Variants in UVSSA observed in about 807,000 individuals in gnomAD.
The protein encoded by UVSSA is UV-stimulated scaffold protein A.
Under a neutral mutation model 73.9 loss-of-function variants are expected in UVSSA, and 72 were observed. The observed-to-expected ratio is 0.97, with a 90% CI of 0.81 to 1.19. The LOEUF (loss-of-function observed/expected upper bound fraction) is 1.19, where lower values mean the gene tolerates loss of function less well. UVSSA is among the 50% of genes most tolerant of loss of function. The pLI, the probability that UVSSA is intolerant of heterozygous loss-of-function variation, is 0.00. For missense variants in UVSSA, 1,150 were observed against 965.0 expected, an observed-to-expected ratio of 1.19 and a Z score of -2.54; for synonymous variants, 454 against 391.3, an observed-to-expected ratio of 1.16 and a Z score of -1.89.
chr4:1,395,741 C>T, exon 14 of UVSSA: 1 of 1,614,238 alleles, frequency 6.2e-7, no homozygotes, highest in Non-Finnish European at 8.5e-7. Context: ...GGTTTCCTGT[C>T]CTGCCGGCCG....
intron 9 of UVSSA, 108 bp downstream of exon 9, chr4:1,375,616 C>G (rs1718671773): frequency 4.7e-6 from 7 of 1,491,434 alleles, no homozygotes; most frequent in Non-Finnish European, 6.3e-6. Context: ...TTCTGGATAT[C>G]TTGGTGGAAG....
At chr4:1,381,393 G>A (rs956964572) in intron 12 of UVSSA, among the ~76,000 whole-genome samples, 1 of 152,324 alleles carries the variant, frequency 6.6e-6, no homozygotes, top group South Asian at 2.1e-4. Context: ...GCCATACCCC[G>A]CACCTGCCTC....
At chr4:1,366,921 G>C (rs565846661) in intron 8 of UVSSA, among the ~76,000 whole-genome samples, 1 of 152,308 alleles carries the variant, frequency 6.6e-6, no homozygotes, top group East Asian at 1.9e-4. Context: ...GTGGGCTCTC[G>C]TGGGCTCCTT....
At chr4:1,379,309 G>A (rs1040335470) in intron 10 of UVSSA, among the ~76,000 whole-genome samples, 1 of 152,206 alleles carries the variant, frequency 6.6e-6, no homozygotes, top group African/African-American at 2.4e-5. Context: ...TCTGTGTGAG[G>A]GCCCCTCAGA....
At chr4:1,363,439 T>C (rs1365640441) in intron 7 of UVSSA, among the ~76,000 whole-genome samples, 1 of 152,200 alleles carries the variant, frequency 6.6e-6, no homozygotes, top group African/African-American at 2.4e-5. Context: ...CCCGATGAAA[T>C]TCAAGGGTGC....
At chr4:1,356,378 C>G (rs541675550) in intron 7 of UVSSA, among the ~76,000 whole-genome samples, 22 of 152,278 alleles carry the variant, frequency 1.4e-4, no homozygotes, top group East Asian at 3.9e-4. Context: ...TGCAGCCCCC[C>G]CAGGGGCCAG....
intron 11 of UVSSA, chr4:1,380,556 C>A: frequency 8.3e-7 from 1 of 1,210,212 alleles, no homozygotes; most frequent in South Asian, 1.5e-5. Context: ...TGAGGAGAGG[C>A]CAGGGGGCCA....
At chr4:1,379,098 C>T (rs1330304793) in intron 10 of UVSSA, among the ~76,000 whole-genome samples, 2 of 151,716 alleles carry the variant, frequency 1.3e-5, no homozygotes, top group East Asian at 2.0e-4. Flanking sequence ...GGGCTCTGCT[C>T]CTCCAGCATC....
chr4:1,361,085 GTC>G (rs1361394799), intron 7 of UVSSA, among the ~76,000 whole-genome samples: 1 of 152,238 alleles, frequency 6.6e-6, no homozygotes, highest in Admixed American at 6.5e-5. Context: ...ACAGATGTGT[GTC>G]TCTATCTGGC....
rs567390511 is a variant in UVSSA, at chr4:1,347,300, C to G, written c.-463C>G. Reference sequence around the variant, plus strand: ...TCGGTCCCCGGGGCTCTGCGGGCGCCGGGCAGAGACCTGCGGCCAGGGCGT... The same window carrying G: ...TCGGTCCCCGGGGCTCTGCGGGCGCGGGGCAGAGACCTGCGGCCAGGGCGT... On this transcript the variant is annotated 5_prime_UTR_variant, in exon 1 of 14. Coordinates refer to ENST00000389851, the MANE Select transcript of UVSSA (RefSeq NM_020894.4). 3 of 151,948 alleles carry G rather than the reference C, an allele frequency of 2.0e-5. No homozygotes were observed. The highest frequency in any genetic ancestry group is 2.1e-4 in the South Asian group (1 of 4,836). 9.4% of individuals were successfully genotyped at this position (151,948 alleles called of 1,614,324 possible).
chr4:1,381,412 G>GGTGGCCACAGCTCTGTCCAGGAGGCGT (rs1719486527), intron 12 of UVSSA, among the ~76,000 whole-genome samples: 1 of 152,210 alleles, frequency 6.6e-6, no homozygotes, highest in Non-Finnish European at 1.5e-5. Context: ...TCAGTGTGCA[G>GGTGGCCACAGCTCTGTCCAGGAGGCGT]GTGGCCACAG....
At position 1,383,859 on chromosome 4, in the gene UVSSA, A is replaced by G. The variant is rs772245294; in HGVS notation, c.1955A>G (p.Lys652Arg). Residue 652 changes from lysine to arginine, a missense_variant, in exon 13 of 14, where the codon AAG becomes AGG. Physicochemically the swap from Lys to Arg is conservative, Grantham distance 26. Coordinates refer to ENST00000389851, the MANE Select transcript of UVSSA (RefSeq NM_020894.4). Reference protein sequence around the residue: ...SRYSGKGRGKKRRYPSLTNLK... With the variant: ...SRYSGKGRGKRRRYPSLTNLK... ...TACAGCGGGAAAGGCAGGGGGAAGA[A>G]GAGGAGGTACCCCAGCCTCACCAAC... 2 of 1,613,604 alleles carry G rather than the reference A, an allele frequency of 1.2e-6. No homozygotes were observed. Among genetic ancestry groups the G allele is most frequent in the Non-Finnish European group, 1.7e-6 (2 of 1,180,006 alleles).
rs80339754 is a variant in UVSSA at position 1,375,063 on chromosome 4, C to T, written c.1289-301C>T. 58 of 377,548 alleles carry T rather than the reference C, an allele frequency of 1.5e-4. No individual in the cohort carries two copies. The East Asian group carries it at 1.6e-3, about 10-fold the overall frequency. 23.4% of individuals were successfully genotyped at this position (377,548 alleles called of 1,614,324 possible). A position where few individuals can be genotyped will look rare whatever the true frequency, so the allele number is the denominator to read the frequency against. On this transcript the variant is annotated intron_variant, in intron 8 of 13. Coordinates refer to ENST00000389851, the MANE Select transcript of UVSSA (RefSeq NM_020894.4). ...GCTGCCCAGCTTCTTTCCAGCCTGG[C>T]GAATCCATCTGCTCAGGCTGGCACT...
At chr4:1,394,565 C>A in exon 14 of UVSSA, 1 of 1,524,832 alleles carries the variant, frequency 6.6e-7, no homozygotes, top group Non-Finnish European at 8.9e-7. Flanking sequence ...CTCACACGTG[C>A]CCATGTGGAG....
chr4:1,348,018 A>G, intron 1 of UVSSA, 72 bp from the exon 2 acceptor site: 1 of 1,322,116 alleles, frequency 7.6e-7, no homozygotes, highest in East Asian at 2.3e-5. Context: ...GGAACCCAGT[A>G]AACACGTTAA....
chr4:1,383,743 A>C (rs778462748), intron 12 of UVSSA, 23 bp from the exon 13 acceptor site: 1 of 1,612,190 alleles, frequency 6.2e-7, no homozygotes, highest in Non-Finnish European at 8.5e-7. Context: ...ACGTCTCCTG[A>C]AGTGCTTGAG....
intron 7 of UVSSA, among the ~76,000 whole-genome samples, chr4:1,362,241 T>A (rs1303162233): frequency 6.6e-6 from 1 of 152,210 alleles, no homozygotes; most frequent in Admixed American, 6.5e-5. Context: ...CTCCCCGCGG[T>A]GGCTGGGGTT....
intron 7 of UVSSA, among the ~76,000 whole-genome samples, chr4:1,362,397 G>A (rs778245772): frequency 2.6e-5 from 4 of 152,210 alleles, no homozygotes; most frequent in Admixed American, 6.5e-5. Flanking sequence ...GTGTGGGCAC[G>A]GGTCACAGCC....
chr4:1,351,176 C>T (rs766781499), intron 3 of UVSSA, among the ~76,000 whole-genome samples: 30 of 151,842 alleles, frequency 2.0e-4, no homozygotes, highest in Non-Finnish European at 4.3e-4. Context: ...CGCCATTCTC[C>T]TGCCTCAGCC....
Sources: gnomAD v4.1 joint callset for allele counts (sites outside exome capture counted in the v4.1 genomes callset) on GRCh38, gnomAD v4.1.1 for gene constraint, MANE v1.5 for transcripts, NCBI Gene and HGNC (gene_info 2026-07-23, HGNC 2026-07-21) for gene names.